Variants in RABGAP1L observed in about 807,000 individuals in gnomAD.
The protein encoded by RABGAP1L is RAB GTPase activating protein 1 like.
In RABGAP1L, 63 loss-of-function variants were observed where a neutral mutation model predicts 137.7. The ratio of observed to expected loss-of-function variants is 0.46; its 90% CI spans 0.37 to 0.56. RABGAP1L has a LOEUF of 0.56. Ranked by LOEUF, RABGAP1L falls within the 20% of genes least tolerant of loss-of-function variation. RABGAP1L has a pLI of 0.00. For missense variants in RABGAP1L, 1,095 were observed against 1,244.0 expected, an observed-to-expected ratio of 0.88 and a Z score of 1.80; for synonymous variants, 431 against 433.7, an observed-to-expected ratio of 0.99 and a Z score of 0.08.
intron 13 of RABGAP1L, among the ~76,000 whole-genome samples, chr1:174,615,500 C>T (rs1216989363): frequency 6.6e-6 from 1 of 152,182 alleles, no homozygotes; most frequent in Non-Finnish European, 1.5e-5. Context: ...GGGGTGCCTC[C>T]CAGTTAGGCT....
chr1:174,216,797 A>T (rs746284572), intron 1 of RABGAP1L, among the ~76,000 whole-genome samples: 1 of 152,098 alleles, frequency 6.6e-6, no homozygotes, highest in South Asian at 2.1e-4. Context: ...TGAGAAAGTG[A>T]TGGGGGCAAG....
At chr1:174,426,340 C>G (rs905502936) in intron 13 of RABGAP1L, among the ~76,000 whole-genome samples, 2 of 151,866 alleles carry the variant, frequency 1.3e-5, no homozygotes, top group African/African-American at 4.8e-5. Flanking sequence ...TTTGGTAGCC[C>G]GATAATATTT....
intron 5 of RABGAP1L, chr1:174,245,648 T>TTA (rs1177195813): frequency 6.6e-6 from 1 of 151,902 alleles, no homozygotes; most frequent in African/African-American, 2.4e-5. Context: ...CTTTTTATTT[T>TTA]TTTTTTTGAG....
chr1:174,807,117 T>G (rs1480404269), intron 18 of RABGAP1L, among the ~76,000 whole-genome samples: 1 of 152,140 alleles, frequency 6.6e-6, no homozygotes, highest in Non-Finnish European at 1.5e-5. Context: ...CAAAATAATA[T>G]GTATAGGTGA....
At chr1:174,842,519 C>T (rs1693527436) in intron 19 of RABGAP1L, among the ~76,000 whole-genome samples, 1 of 152,158 alleles carries the variant, frequency 6.6e-6, no homozygotes, top group Non-Finnish European at 1.5e-5. Context: ...TAGTCCTTTA[C>T]TGTTTCATTT....
intron 7 of RABGAP1L, among the ~76,000 whole-genome samples, chr1:174,265,599 C>T (rs190986115): frequency 6.7e-6 from 1 of 149,150 alleles, no homozygotes; most frequent in East Asian, 2.0e-4. Flanking sequence ...AGTTATTCTG[C>T]ATTTTAAATT....
chr1:174,419,055 T>G (rs941132377), intron 13 of RABGAP1L, among the ~76,000 whole-genome samples: 19 of 152,024 alleles, frequency 1.2e-4, no homozygotes, highest in African/African-American at 4.6e-4. Flanking sequence ...ATAAATTAAT[T>G]AAGAATACAA....
At chr1:174,334,748 G>C (rs143929208) in intron 11 of RABGAP1L, among the ~76,000 whole-genome samples, 5 of 151,988 alleles carry the variant, frequency 3.3e-5, no homozygotes, top group Admixed American at 3.3e-4. Context: ...GTGAAATCTT[G>C]CCAGCTCAGT....
At chr1:174,810,933 T>TA (rs549659111) in intron 18 of RABGAP1L, among the ~76,000 whole-genome samples, 191 of 145,762 alleles carry the variant, frequency 1.3e-3, no homozygotes, top group Admixed American at 4.8e-3. Context: ...CATCTCTATT[T>TA]AAAAAAAAAA....
intron 14 of RABGAP1L, among the ~76,000 whole-genome samples, chr1:174,648,154 C>T (rs1405726759): frequency 2.0e-5 from 3 of 152,022 alleles, no homozygotes; most frequent in African/African-American, 7.2e-5. Flanking sequence ...CAAAAAACCA[C>T]CTCCTGGATT....
chr1:174,191,785 A>G lies in RABGAP1L; in HGVS notation c.-33-27340A>G, dbSNP rs567326315. On this transcript the variant is annotated intron_variant, in intron 1 of 25. Coordinates refer to ENST00000681986, the MANE Select transcript of RABGAP1L (RefSeq NM_001366446.1). Reference sequence around the variant, plus strand: ...AATAATGCTAGAAGATGCTTGGGGCATAAGCTGAGACATTCCTGGAATAAT... The same window carrying G: ...AATAATGCTAGAAGATGCTTGGGGCGTAAGCTGAGACATTCCTGGAATAAT... Among the ~76,000 whole-genome samples, 5 of 152,322 alleles carry G rather than the reference A, an allele frequency of 3.3e-5. No individual in the cohort carries two copies. The East Asian group carries it at 5.8e-4, about 18-fold the overall frequency.
chr1:174,484,178 C>T (rs1330846077), intron 13 of RABGAP1L, among the ~76,000 whole-genome samples: 1 of 152,102 alleles, frequency 6.6e-6, no homozygotes, highest in South Asian at 2.1e-4. Context: ...TTTACATATA[C>T]CTGTGTGTCA....
chr1:174,558,203 T>C (rs1667000839), intron 13 of RABGAP1L, among the ~76,000 whole-genome samples: 1 of 152,202 alleles, frequency 6.6e-6, no homozygotes, highest in Non-Finnish European at 1.5e-5. Flanking sequence ...AAATCTGTGT[T>C]AATTTTCCCA....
chr1:174,550,999 C>CATACATATATATATATATAT (rs1666476243), intron 13 of RABGAP1L, among the ~76,000 whole-genome samples: 1 of 86,372 alleles, frequency 1.2e-5, no homozygotes, highest in Admixed American at 1.2e-4. Context: ...TATATATACA[C>CATACATATATATATATATAT]ATATATATAT....
At chr1:174,215,000 G>A (rs116510118) in intron 1 of RABGAP1L, among the ~76,000 whole-genome samples, 1 of 152,154 alleles carries the variant, frequency 6.6e-6, no homozygotes, top group South Asian at 2.1e-4. Flanking sequence ...ATCACATCAA[G>A]TTAAAAAGGT....
intron 13 of RABGAP1L, among the ~76,000 whole-genome samples, chr1:174,399,402 G>C (rs1433946642): frequency 6.6e-6 from 1 of 152,132 alleles, no homozygotes; most frequent in East Asian, 1.9e-4. Flanking sequence ...TGGTTCAGCA[G>C]CTGTTCGTCC....
intron 13 of RABGAP1L, among the ~76,000 whole-genome samples, chr1:174,541,704 A>C (rs1310381640): frequency 2.0e-5 from 3 of 151,792 alleles, no homozygotes; most frequent in Non-Finnish European, 4.4e-5. Context: ...TGAACCCGGG[A>C]GGCGGAGCTT....
chr1:174,598,384 A>T (rs910230109), intron 13 of RABGAP1L, among the ~76,000 whole-genome samples: 2 of 151,478 alleles, frequency 1.3e-5, no homozygotes, highest in Non-Finnish European at 2.9e-5. Flanking sequence ...GAGGAGAAGC[A>T]TATGTATTCT....
chr1:174,842,025 C>T (rs1693467407), intron 19 of RABGAP1L, among the ~76,000 whole-genome samples: 1 of 152,010 alleles, frequency 6.6e-6, no homozygotes, highest in South Asian at 2.1e-4. Context: ...TGATTTATAG[C>T]AGTTTTAAAA....
Sources: allele counts gnomAD v4.1 joint callset (sites outside exome capture counted in the v4.1 genomes callset), GRCh38; gene constraint gnomAD v4.1.1; transcripts MANE v1.5; gene names NCBI Gene and HGNC (gene_info 2026-07-23, HGNC 2026-07-21).